EYS: variants seen among roughly 807,000 people sequenced by gnomAD.
EYS encodes protein eyes shut homolog.
EYS carries 250 observed loss-of-function variants against 282.1 expected under a neutral mutation model. The ratio of observed to expected loss-of-function variants is 0.89; its 90% CI spans 0.80 to 0.98. The LOEUF is 0.98. Among genes scored for constraint, EYS ranks in the 50% least tolerant of loss-of-function variants. EYS has a pLI of 0.00. For synonymous variants in EYS, 1,355 were observed against 1,282.9 expected, an observed-to-expected ratio of 1.06 and a Z score of -1.20; for missense variants, 4,016 against 3,709.0, an observed-to-expected ratio of 1.08 and a Z score of -2.15.
At chr6:64,774,955 C>A (rs1773634391) in intron 22 of EYS, among the ~76,000 whole-genome samples, 1 of 151,838 alleles carries the variant, frequency 6.6e-6, no homozygotes, top group South Asian at 2.1e-4. Flanking sequence ...ATCTTACAGA[C>A]TCGTTTTTGT....
chr6:64,798,262 G>T (rs1471858654), intron 22 of EYS, among the ~76,000 whole-genome samples: 1 of 151,582 alleles, frequency 6.6e-6, no homozygotes, highest in Non-Finnish European at 1.5e-5. Flanking sequence ...GATTTTCAAG[G>T]TTCCTTATCT....
In EYS at chr6:64,948,773, CTT is replaced by C. The variant is rs778590289; in HGVS notation, c.2260-2861_2260-2860del. The stretch of plus-strand genomic sequence containing the variant: ...TTTACATTATTTATTAAATTAGAAT[CTT>C]ATCATTTTTTAACTTCTCACTACAA... On this transcript the variant is annotated intron_variant, in intron 14 of 42. Transcript: ENST00000503581. Among the ~76,000 whole-genome samples, 43 of 151,538 alleles carry C rather than the reference CTT, an allele frequency of 2.8e-4. No individual in the cohort carries two copies. In the East Asian group the frequency reaches 2.9e-3, roughly 10 times the overall value.
chr6:64,898,633 G>A (rs1355976103), intron 18 of EYS, among the ~76,000 whole-genome samples: 1 of 151,194 alleles, frequency 6.6e-6, no homozygotes, highest in African/African-American at 2.4e-5. Context: ...TGGGCTAAAT[G>A]CCCCAGTTAA....
chr6:65,453,078 A>G (rs9351502), intron 5 of EYS, among the ~76,000 whole-genome samples: 28,142 of 152,042 alleles, frequency 0.19, 3,251 homozygotes, highest in Middle Eastern at 0.3. Context: ...TTCAAAATAA[A>G]TGGTCTAATA....
intron 29 of EYS, among the ~76,000 whole-genome samples, chr6:64,354,144 C>T (rs1439342480): frequency 5.9e-5 from 9 of 151,592 alleles, no homozygotes; most frequent in African/African-American, 1.4e-4. Flanking sequence ...AAAGGTAACA[C>T]GATAGAGTAT....
At chr6:63,890,655 A>G (rs1212819804) in intron 35 of EYS, among the ~76,000 whole-genome samples, 6 of 152,348 alleles carry the variant, frequency 3.9e-5, no homozygotes, top group Non-Finnish European at 8.8e-5. Context: ...AAGGATCTAA[A>G]ATCGACACCC....
chr6:65,328,571 A>G (rs1417060171), intron 11 of EYS, among the ~76,000 whole-genome samples: 5 of 151,132 alleles, frequency 3.3e-5, no homozygotes, highest in Admixed American at 3.3e-4. Context: ...TTTCTTTGAG[A>G]AATCAAATTG....
intron 12 of EYS, among the ~76,000 whole-genome samples, chr6:65,107,453 T>A (rs1775073940): frequency 6.6e-6 from 1 of 150,924 alleles, no homozygotes; most frequent in South Asian, 2.1e-4. Context: ...ATTATCTTTT[T>A]AAATCTGAAC....
chr6:63,889,897 C>T (rs1773363689), intron 35 of EYS, among the ~76,000 whole-genome samples: 1 of 151,454 alleles, frequency 6.6e-6, no homozygotes, highest in African/African-American at 2.4e-5. Flanking sequence ...CAAAGTCACA[C>T]ATAGGCTCAA....
chr6:64,757,322 C>T (rs988845427), intron 22 of EYS, among the ~76,000 whole-genome samples: 1 of 152,162 alleles, frequency 6.6e-6, no homozygotes, highest in African/African-American at 2.4e-5. Flanking sequence ...TGCTCCCACA[C>T]GTCTTGTTCA....
intron 5 of EYS, among the ~76,000 whole-genome samples, chr6:65,473,283 G>T (rs555652828): frequency 1.3e-5 from 2 of 151,966 alleles, no homozygotes; most frequent in African/African-American, 4.8e-5. Flanking sequence ...TCCTTGATGA[G>T]GATGGAGTAA....
chr6:65,238,380 C>T, intron 12 of EYS, among the ~76,000 whole-genome samples: 1 of 151,520 alleles, frequency 6.6e-6, no homozygotes, highest in Non-Finnish European at 1.5e-5. Context: ...AGAAATAATC[C>T]AAAGCATCAT....
chr6:65,180,413 C>T (rs1320267834), intron 12 of EYS, among the ~76,000 whole-genome samples: 2 of 151,930 alleles, frequency 1.3e-5, no homozygotes, highest in Non-Finnish European at 2.9e-5. Flanking sequence ...ACACCAATAA[C>T]AGACAAACAG....
At chr6:64,344,356 A>G (rs1320203968) in intron 29 of EYS, among the ~76,000 whole-genome samples, 12 of 151,892 alleles carry the variant, frequency 7.9e-5, no homozygotes. Flanking sequence ...AAGCTTATCC[A>G]CCATGATCAA....
At chr6:64,747,734 G>A (rs60786588) in intron 22 of EYS, among the ~76,000 whole-genome samples, 266 of 152,250 alleles carry the variant, frequency 1.7e-3, no homozygotes, top group African/African-American at 5.8e-3. Flanking sequence ...AGCCATTAGT[G>A]TACCTAGGGG....
intron 35 of EYS, among the ~76,000 whole-genome samples, chr6:63,887,139 C>G (rs576208317): frequency 7.6e-4 from 115 of 152,098 alleles, no homozygotes; most frequent in African/African-American, 2.7e-3. Flanking sequence ...GGCATAAGCA[C>G]CAGTTAGATA....
chr6:65,239,545 A>G (rs1374535693), intron 12 of EYS, among the ~76,000 whole-genome samples: 1 of 152,200 alleles, frequency 6.6e-6, no homozygotes, highest in African/African-American at 2.4e-5. Context: ...TTTGCCTTTA[A>G]TATTTTTTTC....
chr6:64,700,247 G>T, intron 22 of EYS, among the ~76,000 whole-genome samples: 1 of 151,762 alleles, frequency 6.6e-6, no homozygotes, highest in South Asian at 2.1e-4. Flanking sequence ...AATAATAAAA[G>T]CCATATAAGG....
chr6:64,769,643 T>C (rs774079026), intron 22 of EYS, among the ~76,000 whole-genome samples: 7 of 151,814 alleles, frequency 4.6e-5, no homozygotes, highest in Non-Finnish European at 4.4e-5. Flanking sequence ...AATGCTAAGA[T>C]TAAAAAGGGC....
Sources: allele counts gnomAD v4.1 joint callset (sites outside exome capture counted in the v4.1 genomes callset), GRCh38; gene constraint gnomAD v4.1.1; transcripts MANE v1.5; gene names NCBI Gene and HGNC (gene_info 2026-07-23, HGNC 2026-07-21).